The following ADAM2 variants were observed in gnomAD, a reference collection of about 807,000 sequenced individuals.
ADAM2 encodes the protein disintegrin and metalloproteinase domain-containing protein 2.
Under a neutral mutation model 99.3 loss-of-function variants are expected in ADAM2, and 101 were observed. That is an observed-to-expected ratio of 1.02 (90% CI 0.87 to 1.20). The LOEUF is 1.20. ADAM2 is among the 50% of genes most tolerant of loss of function. The pLI is 0.00. For synonymous variants in ADAM2, 323 were observed against 287.6 expected (o/e 1.12, Z -1.25); for missense variants, 948 against 878.7 (o/e 1.08, Z -1.00).
chr8:39,812,271 A>G (rs1234392681), intron 6 of ADAM2, among the ~76,000 whole-genome samples: 3 of 152,222 alleles, frequency 2.0e-5, no homozygotes, highest in Admixed American at 1.3e-4. Context: ...CAACGAAATA[A>G]AAGAGGACAC....
intron 14 of ADAM2, among the ~76,000 whole-genome samples, chr8:39,763,714 C>T (rs1003369607): frequency 4.6e-5 from 7 of 152,240 alleles, no homozygotes; most frequent in South Asian, 2.1e-4. Flanking sequence ...CTTTGCTTTG[C>T]AATGAACTTC....
At chr8:39,817,946 T>A (rs1398920060) in intron 6 of ADAM2, 4 of 151,710 alleles carry the variant, frequency 2.6e-5, no homozygotes, top group Non-Finnish European at 4.4e-5. Flanking sequence ...GAGAAAAAAT[T>A]TAATTACTAA....
intron 10 of ADAM2, among the ~76,000 whole-genome samples, chr8:39,778,836 C>T (rs562751328): frequency 2.1e-4 from 32 of 152,170 alleles, no homozygotes; most frequent in African/African-American, 7.7e-4. Context: ...AATACTGGTA[C>T]TGTTATTTTA....
intron 7 of ADAM2, among the ~76,000 whole-genome samples, chr8:39,798,038 C>T (rs1462114288): frequency 6.6e-6 from 1 of 152,232 alleles, no homozygotes; most frequent in African/African-American, 2.4e-5. Flanking sequence ...ATTTCTTTCT[C>T]TTGCCTGATG....
At chr8:39,757,785 T>C (rs1196800823) in intron 15 of ADAM2, among the ~76,000 whole-genome samples, 1 of 152,196 alleles carries the variant, frequency 6.6e-6, no homozygotes, top group Non-Finnish European at 1.5e-5. Flanking sequence ...CCGTTATGTA[T>C]TAGTCATATT....
intron 15 of ADAM2, 68 bp downstream of exon 15, chr8:39,761,108 T>G (rs2129583772): frequency 1.0e-6 from 1 of 979,644 alleles, no homozygotes; most frequent in Non-Finnish European, 1.5e-6. Context: ...ATAAACTTAA[T>G]TGTTTGATGG....
At chr8:39,806,310 CAG>C (rs899159297) in intron 7 of ADAM2, among the ~76,000 whole-genome samples, 1 of 151,480 alleles carries the variant, frequency 6.6e-6, no homozygotes, top group South Asian at 2.1e-4. Flanking sequence ...GCTAGAGAGG[CAG>C]AGTCTTCAGA....
At chr8:39,812,452 G>T (rs1804745345) in intron 6 of ADAM2, among the ~76,000 whole-genome samples, 1 of 152,114 alleles carries the variant, frequency 6.6e-6, no homozygotes, top group Non-Finnish European at 1.5e-5. Flanking sequence ...AACCAAAAAT[G>T]AGCCCGCATA....
intron 11 of ADAM2, among the ~76,000 whole-genome samples, chr8:39,771,219 G>A (rs115579911): frequency 0.014 from 2,172 of 152,216 alleles, 46 homozygotes; most frequent in African/African-American, 0.051. Flanking sequence ...ATGCATGCAT[G>A]GTTCCCTTTC....
At chr8:39,803,237 G>A (rs1484728649) in intron 7 of ADAM2, among the ~76,000 whole-genome samples, 1 of 152,112 alleles carries the variant, frequency 6.6e-6, no homozygotes, top group African/African-American at 2.4e-5. Context: ...GCAAAAGGTG[G>A]AAACTTAAAG....
At chr8:39,783,123 G>C (rs555455048) in intron 10 of ADAM2, among the ~76,000 whole-genome samples, 3 of 151,916 alleles carry the variant, frequency 2.0e-5, no homozygotes, top group African/African-American at 7.3e-5. Flanking sequence ...CAAATCTTTC[G>C]AGATTTTTAA....
At chr8:39,837,737 G>C (rs1000273591) in intron 1 of ADAM2, among the ~76,000 whole-genome samples, 1 of 152,042 alleles carries the variant, frequency 6.6e-6, no homozygotes, top group Non-Finnish European at 1.5e-5. Flanking sequence ...TTGCCCTGTA[G>C]GTAGGATCTG....
intron 18 of ADAM2, among the ~76,000 whole-genome samples, chr8:39,748,501 T>C (rs1426087458): frequency 2.6e-5 from 4 of 152,214 alleles, no homozygotes; most frequent in Admixed American, 1.3e-4. Context: ...CTGGAATTAA[T>C]AACTACCTAT....
chr8:39,767,390 C>T, intron 12 of ADAM2, 139 bp from the exon 13 acceptor site: 2 of 738,450 alleles, frequency 2.7e-6, no homozygotes, highest in Non-Finnish European at 4.5e-6. Context: ...AATAAAACCA[C>T]TTATTCATTT....
chr8:39,763,098 A>T (rs1325350235), intron 14 of ADAM2, among the ~76,000 whole-genome samples: 2 of 152,244 alleles, frequency 1.3e-5, no homozygotes, highest in African/African-American at 2.4e-5. Flanking sequence ...CGCTATGCCC[A>T]GAGGCAGCCA....
intron 6 of ADAM2, among the ~76,000 whole-genome samples, chr8:39,819,790 C>T (rs1805103434): frequency 6.6e-6 from 1 of 152,098 alleles, no homozygotes; most frequent in African/African-American, 2.4e-5. Context: ...TATAAAATCT[C>T]TCTCTCCCTC....
In ADAM2 at chr8:39,821,585, C is replaced by T. The variant is rs752925139; in HGVS notation, c.344+1G>A. On this transcript the variant is annotated splice_donor_variant, in intron 5 of 20. Coordinates refer to ENST00000265708, the MANE Select transcript of ADAM2 (RefSeq NM_001464.5). LOFTEE classifies it high-confidence loss of function. ...TAATTCATAAAACAGTAAATTACAACCTGAGTCCAGTACATGTGCTAACCA... is the reference window on the plus strand; with the variant it reads ...TAATTCATAAAACAGTAAATTACAATCTGAGTCCAGTACATGTGCTAACCA... 4.4e-6 allele frequency: 7 copies of T among 1,580,518 alleles called. No homozygotes were observed. The highest frequency in any genetic ancestry group is 6.1e-6 in the Non-Finnish European group (7 of 1,151,730).
At chr8:39,832,606 TTTTACAATAAC>T (rs1407673810) in intron 3 of ADAM2, among the ~76,000 whole-genome samples, 4 of 152,220 alleles carry the variant, frequency 2.6e-5, no homozygotes. Context: ...TTTATTGATA[TTTTACAATAAC>T]GTTTTGAATG....
intron 6 of ADAM2, among the ~76,000 whole-genome samples, chr8:39,809,936 T>C (rs531775845): frequency 3.4e-4 from 51 of 152,234 alleles, no homozygotes; most frequent in Non-Finnish European, 4.4e-5. Context: ...ATAACAATAT[T>C]AACCTTAAAT....
Sources: allele counts gnomAD v4.1 joint callset (sites outside exome capture counted in the v4.1 genomes callset), GRCh38; gene constraint gnomAD v4.1.1; transcripts MANE v1.5; gene names NCBI Gene and HGNC (gene_info 2026-07-23, HGNC 2026-07-21).